The following PAK3 variants were observed in gnomAD, a reference collection of about 807,000 sequenced individuals.
The protein encoded by PAK3 is serine/threonine-protein kinase PAK 3.
A neutral mutation model predicts 41.0 loss-of-function variants in PAK3; 4 were observed. The observed-to-expected ratio is 0.10, with a 90% CI of 0.05 to 0.22. The LOEUF is 0.22. Among genes scored for constraint, PAK3 ranks in the 10% least tolerant of loss-of-function variants. The pLI, the probability that PAK3 is intolerant of heterozygous loss-of-function variation, is 1.00. For missense variants in PAK3, 205 were observed against 409.9 expected (o/e 0.50, Z 4.32); for synonymous variants, 146 against 139.6 (o/e 1.05, Z -0.32).
At chrX:111,213,603 A>G (rs1252719738) in intron 16 of PAK3, among the ~76,000 whole-genome samples, 1 of 111,652 alleles carries the variant, frequency 9.0e-6, no homozygotes, top group African/African-American at 3.3e-5. Context: ...ATCTACAGAG[A>G]GCGGAAACGA....
chrX:111,106,955 T>C (rs1273784721), intron 4 of PAK3, among the ~76,000 whole-genome samples: 1 of 112,170 alleles, frequency 8.9e-6, no homozygotes, highest in East Asian at 2.8e-4. Flanking sequence ...TTTTCTTTTT[T>C]CAGAAATCAT....
intron 1 of PAK3, among the ~76,000 whole-genome samples, chrX:110,973,322 G>A (rs1267079651): frequency 8.9e-6 from 1 of 111,815 alleles, no homozygotes; most frequent in Non-Finnish European, 1.9e-5. Flanking sequence ...GAGAAAGGTC[G>A]AGCTACACAC....
intron 5 of PAK3, among the ~76,000 whole-genome samples, chrX:111,130,969 G>A (rs1309566862): frequency 8.9e-6 from 1 of 111,785 alleles, no homozygotes; most frequent in Non-Finnish European, 1.9e-5. Flanking sequence ...TAATAACAAA[G>A]CAAGGCAGAC....
At chrX:110,972,107 T>A (rs2091220304) in intron 1 of PAK3, among the ~76,000 whole-genome samples, 1 of 111,361 alleles carries the variant, frequency 9.0e-6, no homozygotes, top group South Asian at 3.8e-4. Flanking sequence ...TACATATCTA[T>A]CAATCTATCT....
chrX:111,156,540 G>A (rs565903016), intron 8 of PAK3, among the ~76,000 whole-genome samples: 126 of 111,983 alleles, frequency 1.1e-3, no homozygotes, highest in Middle Eastern at 4.6e-3. Flanking sequence ...AGTATGCTTC[G>A]CAATGTGTAT....
At chrX:111,170,097 G>A (rs144419082) in intron 10 of PAK3, among the ~76,000 whole-genome samples, 15,707 of 110,064 alleles carry the variant, frequency 0.14, 2,363 homozygotes, top group African/African-American at 0.45. Context: ...AAAGATGATG[G>A]GAGCCCAACT....
At chrX:111,144,820 C>T (rs751875243) in intron 6 of PAK3, 19 of 804,599 alleles carry the variant, frequency 2.4e-5, no homozygotes, top group African/African-American at 1.0e-4. Flanking sequence ...ATTATAAGTC[C>T]TCATCCTTTA....
intron 1 of PAK3, among the ~76,000 whole-genome samples, chrX:111,052,310 C>T (rs2092565927): frequency 8.9e-6 from 1 of 112,481 alleles, no homozygotes; most frequent in Non-Finnish European, 1.9e-5. Context: ...TAGGACAAAC[C>T]TTGGAATGTT....
chrX:111,148,209 G>A (rs931209767), intron 7 of PAK3, among the ~76,000 whole-genome samples: 5 of 111,903 alleles, frequency 4.5e-5, no homozygotes, highest in African/African-American at 1.6e-4. Context: ...TGTTCATGAA[G>A]TAAGAGTTGT....
rs1029470602 is a variant in PAK3 at position 111,163,020 on chromosome X, G to A, written c.574G>A (p.Ala192Thr). The A allele has an allele frequency of 7.5e-6, 9 of 1,207,760 alleles. No individual in the cohort carries two copies. The highest frequency in any genetic ancestry group is 1.0e-5 in the Non-Finnish European group (9 of 892,255). Residue 192 changes from alanine to threonine, a missense_variant, in exon 9 of 18, where the codon GCA becomes ACA. Ala to Thr is a moderately conservative substitution (Grantham distance 58, BLOSUM62 0). Coordinates refer to ENST00000372007, the MANE Select transcript of PAK3 (RefSeq NM_002578.5). ...EDENEPPPVI[A>T]PRPEHTKSIY... The stretch of plus-strand genomic sequence containing the variant: ...TGAAAATGAGCCACCACCAGTTATC[G>A]CACCAAGACCAGAGCATACAAAATC...
intron 17 of PAK3, among the ~76,000 whole-genome samples, chrX:111,218,103 A>G (rs1244656647): frequency 1.8e-5 from 2 of 111,829 alleles, no homozygotes; most frequent in Non-Finnish European, 3.8e-5. Context: ...CCATTCTCTG[A>G]CTCTAGCCTA....
At chrX:110,964,907 C>T (rs1016010385) in intron 1 of PAK3, among the ~76,000 whole-genome samples, 5 of 111,105 alleles carry the variant, frequency 4.5e-5, no homozygotes, top group African/African-American at 1.6e-4. Context: ...GGCTGGTTGG[C>T]GTGGCAGGCT....
chrX:111,205,379 G>A lies in PAK3; in HGVS notation c.1407+8739G>A, dbSNP rs755323863. On this transcript the variant is annotated intron_variant, in intron 16 of 17. Coordinates refer to ENST00000372007, the MANE Select transcript of PAK3 (RefSeq NM_002578.5). ...TACTCTGATTCTGTGTCCTTTAGCTGTACACAGCCTACAGCCTTCCCCAAC... is the reference window on the plus strand; with the variant it reads ...TACTCTGATTCTGTGTCCTTTAGCTATACACAGCCTACAGCCTTCCCCAAC... Among the ~76,000 whole-genome samples, 9 of 110,882 alleles carry A rather than the reference G, an allele frequency of 8.1e-5. 1 individual carries two copies. In the South Asian group the frequency reaches 3.4e-3, roughly 42 times the overall value.
At position 111,191,589 on chromosome X, in the gene PAK3, G is replaced by A. The variant is rs528622864; in HGVS notation, c.831-538G>A. ...TAGATGAAGATAGTCTTAAAAATTG[G>A]AAATATATGAAAAGAACCACTCGGT... On this transcript the variant is annotated intron_variant, in intron 11 of 17. Transcript: ENST00000372007. 2.1e-4 allele frequency among the ~76,000 whole-genome samples: 23 copies of A among 111,748 alleles called. No individual in the cohort carries two copies. The South Asian group carries it at 3.4e-3, about 16-fold the overall frequency.
At chrX:111,110,910 T>C (rs1291946925) in intron 4 of PAK3, among the ~76,000 whole-genome samples, 1 of 112,118 alleles carries the variant, frequency 8.9e-6, no homozygotes, top group Non-Finnish European at 1.9e-5. Flanking sequence ...AACATTCACC[T>C]TGAAGCACTC....
At chrX:111,106,966 C>G (rs1429053119) in intron 4 of PAK3, among the ~76,000 whole-genome samples, 2 of 112,160 alleles carry the variant, frequency 1.8e-5, no homozygotes, top group Non-Finnish European at 3.8e-5. Context: ...CAGAAATCAT[C>G]TCCAATACAG....
chrX:111,148,443 T>C (rs1237828548), intron 7 of PAK3, among the ~76,000 whole-genome samples: 1 of 111,498 alleles, frequency 9.0e-6, no homozygotes, highest in East Asian at 2.8e-4. Flanking sequence ...TAGTCTTTTC[T>C]TGGAGCTTTG....
intron 10 of PAK3, among the ~76,000 whole-genome samples, chrX:111,167,567 G>A (rs2094274806): frequency 9.0e-6 from 1 of 111,089 alleles, no homozygotes; most frequent in African/African-American, 3.3e-5. Flanking sequence ...CAAATAGCCT[G>A]GGTCTGGCTT....
At position 111,096,227 on chromosome X, in the gene PAK3, G is replaced by C. The variant is rs2092979066; in HGVS notation, c.-541G>C. 8.9e-6 allele frequency: 1 copy of C among 112,154 alleles called. No individual in the cohort carries two copies. Among genetic ancestry groups the C allele is most frequent in the Non-Finnish European group, 1.9e-5 (1 of 53,173 alleles). 9.2% of individuals were successfully genotyped at this position (112,154 alleles called of 1,213,427 possible). A position where few individuals can be genotyped will look rare whatever the true frequency, so the allele number is the denominator to read the frequency against. ...GCAGCTGTGCCAGCTAACCGTCTGG[G>C]ATCTCGCACTGGGGGCTGCAGCTTT... On this transcript the variant is annotated 5_prime_UTR_variant, in exon 1 of 18. Transcript: ENST00000372007.
Sources: allele counts gnomAD v4.1 joint callset (sites outside exome capture counted in the v4.1 genomes callset), GRCh38; gene constraint gnomAD v4.1.1; transcripts MANE v1.5; gene names NCBI Gene and HGNC (gene_info 2026-07-23, HGNC 2026-07-21).